Variants in GRHL3 observed in about 807,000 individuals in gnomAD.
The protein encoded by GRHL3 is grainyhead like transcription factor 3.
Under a neutral mutation model 70.3 loss-of-function variants are expected in GRHL3, and 20 were observed. The observed-to-expected ratio is 0.28, with a 90% CI of 0.20 to 0.41. GRHL3 has a LOEUF of 0.41. GRHL3 is among the 10% of genes least tolerant of loss of function. The pLI, the probability that GRHL3 is intolerant of heterozygous loss-of-function variation, is 1.00. For missense variants in GRHL3, 637 were observed against 762.3 expected (o/e 0.84, Z 1.94); for synonymous variants, 299 against 299.9 (o/e 1.00, Z 0.03).
intron 1 of GRHL3, among the ~76,000 whole-genome samples, chr1:24,325,559 G>T (rs1202528274): frequency 6.6e-6 from 1 of 152,204 alleles, no homozygotes; most frequent in Non-Finnish European, 1.5e-5. Flanking sequence ...TGGGCATTTT[G>T]ACTCAGAAGA....
At chr1:24,352,951 T>C (rs985754393) in intron 15 of GRHL3, among the ~76,000 whole-genome samples, 2 of 152,204 alleles carry the variant, frequency 1.3e-5, no homozygotes, top group African/African-American at 4.8e-5. Context: ...TTCGGGTCCA[T>C]GTTGTCTCCA....
chr1:24,353,498 T>TGTATGGGTGGGTAGATGG, intron 15 of GRHL3, among the ~76,000 whole-genome samples: 1 of 127,496 alleles, frequency 7.8e-6, no homozygotes, highest in Admixed American at 8.6e-5. Context: ...GATGGGGGTG[T>TGTATGGGTGGGTAGATGG]GTATGGGTGG....
chr1:24,333,949 C>T (rs1000983726), intron 2 of GRHL3, among the ~76,000 whole-genome samples: 1 of 152,212 alleles, frequency 6.6e-6, no homozygotes. Flanking sequence ...ATTATAACCA[C>T]TCACTTGACA....
intron 8 of GRHL3, 25 bp downstream of exon 8, chr1:24,339,787 G>GGC: frequency 6.6e-7 from 1 of 1,522,344 alleles, no homozygotes; most frequent in Non-Finnish European, 9.1e-7. Flanking sequence ...CAGTGGCTGG[G>GGC]ATGGGACTGG....
chr1:24,337,637 G>T lies in GRHL3; in HGVS notation c.688G>T (p.Asp230Tyr). 1.9e-6 allele frequency: 3 copies of T among 1,614,060 alleles called. No homozygotes were observed. In the South Asian group the frequency reaches 3.3e-5, roughly 18 times the overall value. The part of the protein sequence containing the change: ...CPEDYPSLKS[D>Y]FEYTLGSPKA... ...CTGTCCTCTCCCTCCTCCCTGCAGT[G>T]ACTTTGAATACACCCTGGGCTCCCC... The change falls in exon 6 of 16, where the codon GAC becomes TAC. Residue 230 changes from aspartate (D) to tyrosine (Y), a missense_variant and splice_region_variant. Coordinates refer to ENST00000361548, the MANE Select transcript of GRHL3 (RefSeq NM_198173.3).
intron 11 of GRHL3, 129 bp downstream of exon 11, chr1:24,343,154 A>G (rs1640116929): frequency 2.0e-6 from 2 of 1,011,034 alleles, no homozygotes; most frequent in Non-Finnish European, 3.0e-6. Flanking sequence ...TTATTGAATC[A>G]TAGGGGTTTA....
intron 8 of GRHL3, among the ~76,000 whole-genome samples, chr1:24,341,034 G>A (rs761371983): frequency 1.2e-4 from 18 of 152,090 alleles, no homozygotes; most frequent in Non-Finnish European, 1.9e-4. Flanking sequence ...GGAAAGAAGG[G>A]GGTCTGCTCA....
intron 15 of GRHL3, among the ~76,000 whole-genome samples, chr1:24,350,672 G>C (rs887106312): frequency 9.9e-5 from 15 of 152,230 alleles, no homozygotes; most frequent in Non-Finnish European, 1.3e-4. Flanking sequence ...CCGTAGGCAG[G>C]AAGGGAGTGG....
rs1186709595 is a variant in GRHL3, at chr1:24,354,379, T to TA, written c.1701dup (p.Val568SerfsTer33). 1 of 1,610,764 alleles carries TA rather than the reference T, an allele frequency of 6.2e-7. No homozygotes were observed. Among genetic ancestry groups the TA allele is most frequent in the African/African-American group, 1.3e-5 (1 of 74,908 alleles). On this transcript the variant is annotated frameshift_variant, in exon 16 of 16. Transcript: ENST00000361548. LOFTEE classifies it high-confidence loss of function. ...CATCCCCTCTTCCATTCCAGAATCT[T>TA]AGTCAACATGGACAACAACATCATT...
chr1:24,355,704 T>A (rs1640691841), downstream of GRHL3, among the ~76,000 whole-genome samples: 1 of 152,162 alleles, frequency 6.6e-6, no homozygotes, highest in Non-Finnish European at 1.5e-5. Context: ...CCAAGCCACG[T>A]TCCCTGCAGC....
chr1:24,324,433 G>C (rs1639315680), intron 1 of GRHL3, among the ~76,000 whole-genome samples: 1 of 152,198 alleles, frequency 6.6e-6, no homozygotes, highest in Non-Finnish European at 1.5e-5. Flanking sequence ...GCTGGAAAAG[G>C]CTGTGAATTG....
chr1:24,364,244 GT>G lies in GRHL3; in HGVS notation c.1756del (p.Ser586ProfsTer4). Reference sequence around the variant, plus strand: ...CACCCCCCACCTGACTGTCTTGAATGTTCCCATCCTGTGACTCAAGTGAGGA... The same window carrying G: ...CACCCCCCACCTGACTGTCTTGAATGTCCCATCCTGTGACTCAAGTGAGGA... On this transcript the variant is annotated frameshift_variant, in exon 16 of 16. Transcript: ENST00000350501. LOFTEE classifies it low-confidence loss of function (END_TRUNC). 1 of 1,548,406 alleles carries G rather than the reference GT, an allele frequency of 6.5e-7. No individual in the cohort carries two copies. The highest frequency in any genetic ancestry group is 8.7e-7 in the Non-Finnish European group (1 of 1,146,240).
At chr1:24,346,835 C>T (rs58320743) in intron 13 of GRHL3, among the ~76,000 whole-genome samples, 194 bp downstream of exon 13, 27 of 152,334 alleles carry the variant, frequency 1.8e-4, no homozygotes, top group African/African-American at 5.8e-4. Flanking sequence ...ACAGGACTGG[C>T]GGCTTCTGTC....
Position 24,364,220 on chromosome 1 carries a change from AC to A in GRHL3, c.1736del (p.Pro579HisfsTer11), listed in dbSNP as rs1207812332. On this transcript the variant is annotated frameshift_variant, in exon 16 of 16. Transcript: ENST00000350501. LOFTEE classifies it low-confidence loss of function (END_TRUNC). Reference sequence around the variant, plus strand: ...CTCCTCCACCCACGCCTGTCTCGCCACCCCCCACCTGACTGTCTTGAATGTT... The same window carrying A: ...CTCCTCCACCCACGCCTGTCTCGCCACCCCCACCTGACTGTCTTGAATGTT... 2 of 1,539,858 alleles carry A rather than the reference AC, an allele frequency of 1.3e-6. No individual in the cohort carries two copies. Among genetic ancestry groups the A allele is most frequent in the East Asian group, 2.5e-5 (1 of 40,054 alleles).
At chr1:24,347,920 G>C (rs897953724) in intron 14 of GRHL3, among the ~76,000 whole-genome samples, 1 of 152,174 alleles carries the variant, frequency 6.6e-6, no homozygotes, top group African/African-American at 2.4e-5. Context: ...TTCCCAGGGG[G>C]CCTCATTCTG....
chr1:24,347,475 G>A lies in GRHL3; in HGVS notation c.1551G>A (p.Leu517=). Residue 517 remains leucine (L), a synonymous_variant, in exon 14 of 16, where the codon CTG becomes CTA. Transcript: ENST00000361548. ...CTGGCCCTTGCTTTTCAGTTCTGCT[G>A]TATGTGCGGAGGGAGACTGAGGAGG... ...AKEGDLQRVL[L]YVRRETEEVF... The A allele has an allele frequency of 1.2e-6, 2 of 1,614,076 alleles. No individual in the cohort carries two copies. Among genetic ancestry groups the A allele is most frequent in the Non-Finnish European group, 1.7e-6 (2 of 1,179,890 alleles).
intron 15 of GRHL3, chr1:24,360,764 T>C (rs1641051448): frequency 8.0e-7 from 1 of 1,247,206 alleles, no homozygotes; most frequent in Non-Finnish European, 1.1e-6. Flanking sequence ...GGAAACAACC[T>C]ATAAATCAAT....
chr1:24,331,356 G>C, intron 1 of GRHL3, 70 bp from the exon 2 acceptor site: 1 of 1,397,750 alleles, frequency 7.2e-7, no homozygotes, highest in East Asian at 2.4e-5. Context: ...CTGGGCGTTG[G>C]CCTGCGGCTG....
At chr1:24,330,820 C>T (rs1036039473) in intron 1 of GRHL3, among the ~76,000 whole-genome samples, 4 of 152,254 alleles carry the variant, frequency 2.6e-5, no homozygotes, top group Non-Finnish European at 4.4e-5. Context: ...GTGTGCCCTG[C>T]AGCCTTCAAC....
Sources: allele counts gnomAD v4.1 joint callset (sites outside exome capture counted in the v4.1 genomes callset), GRCh38; gene constraint gnomAD v4.1.1; transcripts MANE v1.5; gene names NCBI Gene and HGNC (gene_info 2026-07-23, HGNC 2026-07-21).